The following STPG1 variants were observed in gnomAD, a reference collection of about 807,000 sequenced individuals.
STPG1 encodes O(6)-methylguanine-induced apoptosis 2.
STPG1 carries 33 observed loss-of-function variants against 40.1 expected under a neutral mutation model. The ratio of observed to expected loss-of-function variants is 0.82; its 90% CI spans 0.62 to 1.10. The LOEUF (loss-of-function observed/expected upper bound fraction) is 1.10, where lower values mean the gene tolerates loss of function less well. Among genes scored for constraint, STPG1 ranks in the 50% least tolerant of loss-of-function variants. The pLI, the probability that STPG1 is intolerant of heterozygous loss-of-function variation, is 0.00. For missense variants in STPG1, 396 were observed against 415.1 expected (o/e 0.95, Z 0.40); for synonymous variants, 150 against 155.0 (o/e 0.97, Z 0.24).
At chr1:24,407,722 C>T (rs920451985) in intron 1 of STPG1, among the ~76,000 whole-genome samples, 2 of 152,180 alleles carry the variant, frequency 1.3e-5, no homozygotes, top group Non-Finnish European at 2.9e-5. Context: ...AGGCATGAGC[C>T]ACCATGCCCG....
intron 7 of STPG1, chr1:24,368,656 T>G (rs763741601): frequency 1.3e-5 from 2 of 152,264 alleles, no homozygotes; most frequent in Non-Finnish European, 2.9e-5. Context: ...AAAATCTGTG[T>G]TAATTTTGAG....
At chr1:24,414,368 G>GA (rs750926198), upstream of STPG1, 2,764 of 142,220 alleles carry the variant, frequency 0.019, 72 homozygotes, top group African/African-American at 0.061. Flanking sequence ...TCTAACAGAA[G>GA]AAAAAAAAAA....
At chr1:24,395,618 G>C in intron 2 of STPG1, among the ~76,000 whole-genome samples, 1 of 151,990 alleles carries the variant, frequency 6.6e-6, no homozygotes, top group Non-Finnish European at 1.5e-5. Flanking sequence ...ATTTTTAGTA[G>C]AGACGGGGTT....
rs190291530 is a variant in STPG1 at position 24,357,710 on chromosome 1, C to T, written c.*833G>A. ...AGGAGCCTGGCAGCTCCCCACCCAC[C>T]GCGAATCTGTGCAGCCTCCACCAAA... On this transcript the variant is annotated 3_prime_UTR_variant, in exon 9 of 9. Coordinates refer to ENST00000337248, the MANE Select transcript of STPG1 (RefSeq NM_001199013.2). 103 of 167,258 alleles carry T rather than the reference C, an allele frequency of 6.2e-4. No homozygotes were observed. Among genetic ancestry groups the T allele is most frequent in the African/African-American group, 2.3e-3 (97 of 41,766 alleles). 10.4% of individuals were successfully genotyped at this position (167,258 alleles called of 1,614,324 possible). A position where few individuals can be genotyped will look rare whatever the true frequency, so the allele number is the denominator to read the frequency against.
chr1:24,396,235 T>G (rs1232045145), intron 2 of STPG1, among the ~76,000 whole-genome samples: 1 of 151,908 alleles, frequency 6.6e-6, no homozygotes, highest in Admixed American at 6.6e-5. Flanking sequence ...AAGGGCCAGA[T>G]AGTACATATC....
At chr1:24,409,142 G>C (rs191284394) in intron 1 of STPG1, among the ~76,000 whole-genome samples, 2 of 152,066 alleles carry the variant, frequency 1.3e-5, no homozygotes, top group Non-Finnish European at 2.9e-5. Flanking sequence ...CCGAGGTTAG[G>C]CGATAGCTTG....
At chr1:24,379,858 A>G (rs1277531034) in intron 4 of STPG1, 35 bp from the exon 5 acceptor site, 2 of 1,602,048 alleles carry the variant, frequency 1.2e-6, no homozygotes, top group Non-Finnish European at 1.7e-6. Context: ...CAGCATTGTC[A>G]CATAATATTG....
At chr1:24,413,283 C>A (rs11249104) in intron 1 of STPG1, among the ~76,000 whole-genome samples, 35,094 of 152,160 alleles carry the variant, frequency 0.23, 4,594 homozygotes, top group East Asian at 0.46. Flanking sequence ...CTGGGGGACA[C>A]CCCCTGAGCT....
intron 5 of STPG1, among the ~76,000 whole-genome samples, chr1:24,376,252 C>G (rs965697927): frequency 3.9e-5 from 6 of 152,268 alleles, no homozygotes; most frequent in African/African-American, 1.4e-4. Flanking sequence ...AACTCCTGAC[C>G]TCAGGTGATC....
chr1:24,387,858 C>T (rs1403874619), intron 3 of STPG1, among the ~76,000 whole-genome samples: 3 of 152,180 alleles, frequency 2.0e-5, no homozygotes, highest in Non-Finnish European at 4.4e-5. Context: ...CTTGGGGCAG[C>T]TGTCCCCTTG....
Position 24,402,376 on chromosome 1 carries a change from T to C in STPG1, c.-68-920A>G, listed in dbSNP as rs373794640. ...AATTTTAGGCATTCTAGTGATTTTA[T>C]AGTGGTATCTCATTGTCATTTTAAT... On this transcript the variant is annotated intron_variant, in intron 1 of 8. Transcript: ENST00000337248. Among the ~76,000 whole-genome samples the C allele has an allele frequency of 9.2e-5, 14 of 152,368 alleles. No homozygotes were observed. In the East Asian group the frequency reaches 2.7e-3, roughly 29 times the overall value.
At chr1:24,379,122 C>T (rs1642164704) in intron 5 of STPG1, among the ~76,000 whole-genome samples, 1 of 152,186 alleles carries the variant, frequency 6.6e-6, no homozygotes, top group Non-Finnish European at 1.5e-5. Flanking sequence ...GAAGGCCGCA[C>T]AGTTAGAAAG....
chr1:24,410,600 C>A, intron 1 of STPG1: 1 of 153,466 alleles, frequency 6.5e-6, no homozygotes, highest in Non-Finnish European at 1.5e-5. Context: ...CAGAGCGAGA[C>A]TCCGTCTCAA....
At chr1:24,374,243 T>C (rs150188837) in intron 5 of STPG1, among the ~76,000 whole-genome samples, 4,058 of 112,454 alleles carry the variant, frequency 0.036, 300 homozygotes, top group African/African-American at 0.16. Context: ...GCTAGGAAAG[T>C]GTTTTTTTTT....
chr1:24,402,322 T>C (rs1643257164), intron 1 of STPG1, among the ~76,000 whole-genome samples: 1 of 152,234 alleles, frequency 6.6e-6, no homozygotes, highest in South Asian at 2.1e-4. Flanking sequence ...TTCTACATCC[T>C]CACCAACATG....
intron 2 of STPG1, among the ~76,000 whole-genome samples, chr1:24,398,710 A>G (rs1335221258): frequency 1.3e-5 from 2 of 152,090 alleles, no homozygotes; most frequent in Non-Finnish European, 2.9e-5. Context: ...GCAGCAACAA[A>G]CAATTTAAAA....
chr1:24,374,566 GT>G (rs937783626), intron 5 of STPG1, among the ~76,000 whole-genome samples: 2 of 146,750 alleles, frequency 1.4e-5, no homozygotes, highest in African/African-American at 5.0e-5. Context: ...GCCGGAAAGT[GT>G]TTTTTTTTAA....
In STPG1 at chr1:24,396,299, C is replaced by CTATCTATCATCT. The variant is rs58386447; in HGVS notation, c.71-4621_71-4620insAGATGATAGATA. 6.6e-3 allele frequency among the ~76,000 whole-genome samples: 959 copies of CTATCTATCATCT among 144,418 alleles called. 1 individual carries two copies. Among genetic ancestry groups the CTATCTATCATCT allele is most frequent in the East Asian group, 0.016 (81 of 5,128 alleles). 94.7% of individuals were successfully genotyped at this position (144,418 alleles called of 152,430 possible). On this transcript the variant is annotated intron_variant, in intron 2 of 8. Transcript: ENST00000337248. ...TCTATCTATCTATCTATCTATCTAT[C>CTATCTATCATCT]ATCTATCTATCTTATTGATCTATAT...
intron 5 of STPG1, chr1:24,379,435 G>T: frequency 3.6e-6 from 2 of 555,300 alleles, no homozygotes; most frequent in Non-Finnish European, 6.4e-6. Flanking sequence ...CCTCCCCACA[G>T]CTTGATACTG....
Sources: gnomAD v4.1 joint callset for allele counts (sites outside exome capture counted in the v4.1 genomes callset) on GRCh38, gnomAD v4.1.1 for gene constraint, MANE v1.5 for transcripts, NCBI Gene and HGNC (gene_info 2026-07-23, HGNC 2026-07-21) for gene names.